DMD: variants seen among roughly 807,000 people sequenced by gnomAD.
DMD encodes the protein dystrophin.
Under a neutral mutation model 330.1 loss-of-function variants are expected in DMD, and 63 were observed. That is an observed-to-expected ratio of 0.19 (90% CI 0.16 to 0.24). DMD has a LOEUF of 0.24. Ranked by LOEUF, DMD falls within the 10% of genes least tolerant of loss-of-function variation. The probability of loss-of-function intolerance (pLI) is 1.00; values close to 1 mark genes in which losing one functional copy is unlikely to be tolerated. For synonymous variants in DMD, 1,223 were observed against 959.8 expected (o/e 1.27, Z -5.07); for missense variants, 3,344 against 2,684.1 (o/e 1.25, Z -5.43).
intron 53 of DMD, among the ~76,000 whole-genome samples, chrX:31,677,762 C>T (rs1164196476): frequency 8.9e-6 from 1 of 112,363 alleles, no homozygotes; most frequent in Non-Finnish European, 1.9e-5. Context: ...CTAACATCCT[C>T]ATCATATAAA....
intron 2 of DMD, among the ~76,000 whole-genome samples, chrX:32,982,322 T>C (rs1299209388): frequency 1.8e-5 from 2 of 111,792 alleles, no homozygotes. Context: ...CCTAGCACTG[T>C]ACATGACACG....
intron 13 of DMD, among the ~76,000 whole-genome samples, chrX:32,575,572 C>T (rs140641513): frequency 8.9e-6 from 1 of 112,148 alleles, no homozygotes; most frequent in Admixed American, 9.4e-5. Flanking sequence ...TATTACGAAG[C>T]AGTATATATA....
intron 45 of DMD, among the ~76,000 whole-genome samples, chrX:31,932,534 T>A (rs1030855702): frequency 2.7e-5 from 3 of 111,425 alleles, no homozygotes; most frequent in Admixed American, 9.5e-5. Flanking sequence ...TCACTTGAGG[T>A]CAGGAGTTTG....
intron 60 of DMD, among the ~76,000 whole-genome samples, chrX:31,373,522 T>C (rs1372599188): frequency 9.6e-6 from 1 of 104,329 alleles, no homozygotes; most frequent in Non-Finnish European, 2.0e-5. Context: ...GCCGCATATC[T>C]ACAACCATCT....
chrX:32,416,501 G>T (rs1311231783), intron 29 of DMD, among the ~76,000 whole-genome samples: 8 of 111,745 alleles, frequency 7.2e-5, no homozygotes, highest in Non-Finnish European at 1.3e-4. Flanking sequence ...TCAAAATAAA[G>T]CCCTCATTTT....
chrX:31,728,324 C>CA (rs2086238100), intron 52 of DMD, among the ~76,000 whole-genome samples: 1 of 112,166 alleles, frequency 8.9e-6, no homozygotes, highest in African/African-American at 3.2e-5. Context: ...CGCGCCCGGC[C>CA]GAGTAACTGT....
intron 7 of DMD, among the ~76,000 whole-genome samples, chrX:32,722,951 T>G (rs2066481404): frequency 9.0e-6 from 1 of 110,917 alleles, no homozygotes; most frequent in Non-Finnish European, 1.9e-5. Flanking sequence ...TGCTAGTATT[T>G]TTGGTACTAT....
rs777414767 is a variant in DMD, at chrX:31,415,303, C to A, written c.9084+29178G>T. Among the ~76,000 whole-genome samples the A allele has an allele frequency of 7.1e-5, 8 of 112,789 alleles. No homozygotes were observed. The South Asian group carries it at 1.5e-3, about 21-fold the overall frequency. On this transcript the variant is annotated intron_variant, in intron 60 of 78. Coordinates refer to ENST00000357033, the MANE Select transcript of DMD (RefSeq NM_004006.3). ...CTTATTTCCTTTCTCTTACTTGATTCTGACAGTTGTCCTTTTAATTGCTCT... is the reference window on the plus strand; with the variant it reads ...CTTATTTCCTTTCTCTTACTTGATTATGACAGTTGTCCTTTTAATTGCTCT...
chrX:31,259,468 C>T (rs887223272), intron 63 of DMD, among the ~76,000 whole-genome samples: 1 of 111,580 alleles, frequency 9.0e-6, no homozygotes, highest in African/African-American at 3.3e-5. Flanking sequence ...AAACAGTCCA[C>T]AATTATAAGC....
At chrX:32,785,091 A>C (rs7050124) in intron 7 of DMD, among the ~76,000 whole-genome samples, 4,084 of 110,401 alleles carry the variant, frequency 0.037, 188 homozygotes, top group African/African-American at 0.13. Context: ...AAGAATAAAA[A>C]GTAGGGGCTC....
chrX:33,331,663 G>C (rs921238624), intron 1 of DMD, among the ~76,000 whole-genome samples: 4 of 111,306 alleles, frequency 3.6e-5, no homozygotes, highest in Non-Finnish European at 7.5e-5. Flanking sequence ...TTACCTTCAG[G>C]TGTACATTGA....
chrX:31,288,166 G>T (rs1316081885), intron 62 of DMD, among the ~76,000 whole-genome samples: 2 of 111,798 alleles, frequency 1.8e-5, no homozygotes, highest in Non-Finnish European at 3.8e-5. Context: ...GGGGGCGGGA[G>T]AGGAGAGAGG....
chrX:31,917,988 C>T (rs2094632115), intron 47 of DMD, among the ~76,000 whole-genome samples: 1 of 111,631 alleles, frequency 9.0e-6, no homozygotes, highest in Non-Finnish European at 1.9e-5. Context: ...GACAGTGCCC[C>T]CCTAGCTGAG....
At chrX:32,150,226 G>A (rs1379556304) in intron 44 of DMD, among the ~76,000 whole-genome samples, 1 of 112,160 alleles carries the variant, frequency 8.9e-6, no homozygotes, top group Admixed American at 9.5e-5. Context: ...TAAAAATAAC[G>A]TGGAAAGTTA....
intron 48 of DMD, among the ~76,000 whole-genome samples, chrX:31,848,358 T>C (rs1010901234): frequency 9.0e-5 from 10 of 111,463 alleles, no homozygotes; most frequent in Admixed American, 7.7e-4. Context: ...TTATATGATT[T>C]CAGATAAGGT....
intron 43 of DMD, among the ~76,000 whole-genome samples, chrX:32,275,107 T>C (rs1248284443): frequency 2.7e-5 from 3 of 111,893 alleles, no homozygotes; most frequent in Middle Eastern, 4.2e-3. Context: ...TATCTTAGAT[T>C]ATACAGCCTT....
At chrX:32,825,035 C>T (rs772756764) in intron 4 of DMD, among the ~76,000 whole-genome samples, 1 of 111,720 alleles carries the variant, frequency 9.0e-6, no homozygotes, top group East Asian at 2.8e-4. Context: ...TACCTTTTGG[C>T]TATCTGCCAG....
At chrX:32,517,925 C>T (rs755307133) in intron 18 of DMD, 83 bp downstream of exon 18, 4 of 997,372 alleles carry the variant, frequency 4.0e-6, no homozygotes, top group Non-Finnish European at 4.3e-6. Context: ...AATCTATCAA[C>T]TAGTAGAATC....
chrX:32,353,842 G>A (rs2097789907), intron 37 of DMD, among the ~76,000 whole-genome samples: 2 of 110,913 alleles, frequency 1.8e-5, no homozygotes, highest in Admixed American at 1.9e-4. Context: ...TGTTTTCCTT[G>A]ATTTTTTAAT....
Sources: allele counts gnomAD v4.1 joint callset (sites outside exome capture counted in the v4.1 genomes callset), GRCh38; gene constraint gnomAD v4.1.1; transcripts MANE v1.5; gene names NCBI Gene and HGNC (gene_info 2026-07-23, HGNC 2026-07-21).